The following MTARC1 variants were observed in gnomAD, a reference collection of about 807,000 sequenced individuals.
MTARC1 encodes mitochondrial amidoxime-reducing component 1.
A neutral mutation model predicts 33.6 loss-of-function variants in MTARC1; 24 were observed. The ratio of observed to expected loss-of-function variants is 0.72; its 90% CI spans 0.52 to 1.01. MTARC1 has a LOEUF of 1.01. Among genes scored for constraint, MTARC1 ranks in the 50% least tolerant of loss-of-function variants. MTARC1 has a pLI of 0.00. For missense variants in MTARC1, 417 were observed against 445.7 expected, an observed-to-expected ratio of 0.94 and a Z score of 0.58; for synonymous variants, 187 against 189.5, an observed-to-expected ratio of 0.99 and a Z score of 0.11.
At chr1:220,800,185 TA>T (rs1305123885) in intron 4 of MTARC1, among the ~76,000 whole-genome samples, 1 of 126,824 alleles carries the variant, frequency 7.9e-6, no homozygotes, top group African/African-American at 3.1e-5. Context: ...AGTCTTACTC[TA>T]AAAACCCGTA....
intron 6 of MTARC1, chr1:220,809,102 T>C (rs72472351): frequency 1.1e-3 from 369 of 349,044 alleles, no homozygotes; most frequent in African/African-American, 7.3e-3. Flanking sequence ...GGTAACTCCA[T>C]GGGAGGAGGC....
chr1:220,809,516 T>TAATTTAATTTAATTTA (rs151304392), intron 6 of MTARC1, among the ~76,000 whole-genome samples: 1 of 149,806 alleles, frequency 6.7e-6, no homozygotes, highest in Non-Finnish European at 1.5e-5. Context: ...TAATTTAATT[T>TAATTTAATTTAATTTA]ATTTATTTAT....
At chr1:220,795,286 T>C (rs1272440594) in intron 2 of MTARC1, among the ~76,000 whole-genome samples, 2 of 152,174 alleles carry the variant, frequency 1.3e-5, no homozygotes, top group East Asian at 1.9e-4. Flanking sequence ...CCCCATTTTA[T>C]TGATGAAGAA....
At chr1:220,798,891 ATTC>A in intron 4 of MTARC1, 1 of 985,462 alleles carries the variant, frequency 1.0e-6, no homozygotes, top group Non-Finnish European at 1.2e-6. Context: ...AGCCAATTAT[ATTC>A]TTCACTTTTG....
intron 3 of MTARC1, chr1:220,797,665 C>A: frequency 1.8e-6 from 1 of 566,002 alleles, no homozygotes; most frequent in Non-Finnish European, 3.1e-6. Context: ...TCCTTGTTCC[C>A]TTCATTCCAC....
In MTARC1 at chr1:220,796,681, A is replaced by T; in HGVS notation, c.488A>T (p.Glu163Val). 6.2e-7 allele frequency: 1 copy of T among 1,611,344 alleles called. No homozygotes were observed. Among genetic ancestry groups the T allele is most frequent in the African/African-American group, 1.3e-5 (1 of 74,856 alleles). ...GAGATAGAGGGCAGGGACTGTGGCGAGGCCACCGCCCAGTGGATAACCAGC... is the reference window on the plus strand; with the variant it reads ...GAGATAGAGGGCAGGGACTGTGGCGTGGCCACCGCCCAGTGGATAACCAGC... ...GLEIEGRDCG[E>V]ATAQWITSFL... Residue 163 changes from glutamate (E) to valine (V), a missense_variant, in exon 3 of 7, where the codon GAG becomes GTG. Coordinates refer to ENST00000366910, the MANE Select transcript of MTARC1 (RefSeq NM_022746.4).
At chr1:220,800,212 C>T (rs1297880720) in intron 4 of MTARC1, among the ~76,000 whole-genome samples, 1 of 151,474 alleles carries the variant, frequency 6.6e-6, no homozygotes, top group Non-Finnish European at 1.5e-5. Context: ...CTCTCTATCT[C>T]TGAGTGTTCC....
At position 220,815,714 on chromosome 1, in the gene MTARC1, A is replaced by G. The variant is rs1352032951; in HGVS notation, c.*2296A>G. 1 of 152,246 alleles carries G rather than the reference A, an allele frequency of 6.6e-6. No homozygotes were observed. The highest frequency in any genetic ancestry group is 1.5e-5 in the Non-Finnish European group (1 of 68,046). 9.4% of individuals were successfully genotyped at this position (152,246 alleles called of 1,614,324 possible). ...TTTATTTTGGATACTGAGCATTTGC[A>G]CACTATTCCACTTGAAATATAGAAT... On this transcript the variant is annotated 3_prime_UTR_variant, in exon 7 of 7. Transcript: ENST00000366910.
intron 3 of MTARC1, 94 bp downstream of exon 3, chr1:220,796,899 T>C: frequency 1.5e-6 from 2 of 1,328,726 alleles, no homozygotes; most frequent in Non-Finnish European, 1.0e-6. Context: ...TCTGTTGTTT[T>C]CTGGGGCAGC....
chr1:220,807,381 G>A (rs1041281456), intron 6 of MTARC1, among the ~76,000 whole-genome samples: 1 of 152,136 alleles, frequency 6.6e-6, no homozygotes, highest in South Asian at 2.1e-4. Flanking sequence ...TCAGGAGTTC[G>A]AGACCAGCCT....
intron 4 of MTARC1, among the ~76,000 whole-genome samples, chr1:220,803,713 A>G (rs6690111): frequency 0.033 from 4,953 of 152,122 alleles, 241 homozygotes; most frequent in African/African-American, 0.11. Flanking sequence ...TTGGAATAGA[A>G]GGGGCTCTGG....
intron 4 of MTARC1, chr1:220,799,296 A>G (rs773059388): frequency 8.5e-5 from 46 of 542,646 alleles, no homozygotes; most frequent in Non-Finnish European, 1.0e-4. Context: ...GACTGTGTGC[A>G]TGTCCCCCAA....
chr1:220,792,384 C>T (rs1672452884), intron 2 of MTARC1, among the ~76,000 whole-genome samples: 1 of 152,090 alleles, frequency 6.6e-6, no homozygotes, highest in African/African-American at 2.4e-5. Context: ...AGAGTTGGTC[C>T]AGTTATATTC....
chr1:220,805,428 C>T (rs1672942662), intron 6 of MTARC1, among the ~76,000 whole-genome samples, 154 bp downstream of exon 6: 1 of 152,198 alleles, frequency 6.6e-6, no homozygotes, highest in African/African-American at 2.4e-5. Flanking sequence ...ATTTGGGAAA[C>T]ATTCCCTGGT....
At chr1:220,809,855 G>A (rs1022614222) in intron 6 of MTARC1, among the ~76,000 whole-genome samples, 6 of 152,188 alleles carry the variant, frequency 3.9e-5, no homozygotes, top group Non-Finnish European at 7.3e-5. Flanking sequence ...GGCTTCTGCC[G>A]CTGGTGACTT....
chr1:220,794,654 C>T (rs755125991), intron 2 of MTARC1, among the ~76,000 whole-genome samples: 1 of 151,798 alleles, frequency 6.6e-6, no homozygotes. Context: ...AGGTAATATC[C>T]ATTTGGGTGT....
At chr1:220,794,176 C>A (rs1404876509) in intron 2 of MTARC1, 5 of 152,050 alleles carry the variant, frequency 3.3e-5, no homozygotes, top group African/African-American at 1.2e-4. Flanking sequence ...CCTATAAAAG[C>A]AACTAAGGGA....
rs1301970982 is a variant in MTARC1 at position 220,817,480 on chromosome 1, CTCCATTTTACAGAGTGCTGATTGG to C, written c.*4088_*4111del. 2 of 152,334 alleles carry C rather than the reference CTCCATTTTACAGAGTGCTGATTGG, an allele frequency of 1.3e-5. No individual in the cohort carries two copies. Among genetic ancestry groups the C allele is most frequent in the Non-Finnish European group, 2.9e-5 (2 of 68,098 alleles). The allele number at this position is 152,334 out of a possible 1,614,324, so 9.4% of individuals were successfully genotyped here. ...GTCCCTGCCCATGTCCTGCTGATTGCTCCATTTTACAGAGTGCTGATTGGTCCATTTTACAGAGTGCTGATTGGT... is the reference window on the plus strand; with the variant it reads ...GTCCCTGCCCATGTCCTGCTGATTGCTCCATTTTACAGAGTGCTGATTGGT... On this transcript the variant is annotated 3_prime_UTR_variant, in exon 7 of 7. Transcript: ENST00000366910.
At position 220,797,942 on chromosome 1, in the gene MTARC1, G is replaced by A; in HGVS notation, c.681G>A (p.Arg227=). 2 of 1,614,202 alleles carry A rather than the reference G, an allele frequency of 1.2e-6. No homozygotes were observed. Among genetic ancestry groups the A allele is most frequent in the Non-Finnish European group, 1.7e-6 (2 of 1,180,038 alleles). ...CGTCGCTGGCGGATCTCAACTCCAGGCTAGAGAAGAAAGTTAAAGCAACCA... is the reference window on the plus strand; with the variant it reads ...CGTCGCTGGCGGATCTCAACTCCAGACTAGAGAAGAAAGTTAAAGCAACCA... The part of the protein sequence containing the change: ...SEASLADLNS[R]LEKKVKATNF... The change falls in exon 4 of 7, where the codon AGG becomes AGA. Residue 227 remains arginine, a synonymous_variant. Transcript: ENST00000366910.
Sources: gnomAD v4.1 joint callset for allele counts (sites outside exome capture counted in the v4.1 genomes callset) on GRCh38, gnomAD v4.1.1 for gene constraint, MANE v1.5 for transcripts, NCBI Gene and HGNC (gene_info 2026-07-23, HGNC 2026-07-21) for gene names.